The following NEK6 variants were observed in gnomAD, a reference collection of about 807,000 sequenced individuals.
NEK6 encodes the protein serine/threonine-protein kinase Nek6.
Under a neutral mutation model 43.5 loss-of-function variants are expected in NEK6, and 27 were observed. The ratio of observed to expected loss-of-function variants is 0.62; its 90% CI spans 0.46 to 0.86. NEK6 has a LOEUF of 0.86. Among genes scored for constraint, NEK6 ranks in the 40% least tolerant of loss-of-function variants. The pLI is 0.00. For missense variants in NEK6, 318 were observed against 414.4 expected (o/e 0.77, Z 2.02); for synonymous variants, 167 against 164.1 (o/e 1.02, Z -0.14).
intron 1 of NEK6, among the ~76,000 whole-genome samples, chr9:124,279,160 C>T (rs1271760621): frequency 6.6e-6 from 1 of 152,066 alleles, no homozygotes; most frequent in Non-Finnish European, 1.5e-5. Context: ...GCATCACTTT[C>T]CCACCAAGAA....
intron 1 of NEK6, among the ~76,000 whole-genome samples, chr9:124,284,317 C>T (rs1475496088): frequency 6.6e-6 from 1 of 152,202 alleles, no homozygotes; most frequent in African/African-American, 2.4e-5. Flanking sequence ...CCACTGCACT[C>T]CATACTGGGC....
At chr9:124,314,328 C>G (rs1020032922) in intron 4 of NEK6, among the ~76,000 whole-genome samples, 1 of 152,152 alleles carries the variant, frequency 6.6e-6, no homozygotes, top group East Asian at 1.9e-4. Flanking sequence ...CCAGGCTTGG[C>G]TAGGGGAGGA....
intron 8 of NEK6, among the ~76,000 whole-genome samples, chr9:124,345,295 C>T (rs761274638): frequency 1.3e-4 from 20 of 152,204 alleles, no homozygotes; most frequent in African/African-American, 3.4e-4. Flanking sequence ...TTGTAATCCG[C>T]GCAGCCCAGA....
chr9:124,318,072 T>C (rs1833905164), intron 4 of NEK6, among the ~76,000 whole-genome samples: 1 of 152,210 alleles, frequency 6.6e-6, no homozygotes, highest in Admixed American at 6.5e-5. Flanking sequence ...ATGGTAGTTC[T>C]ATTTTTAGTT....
At chr9:124,302,303 G>C (rs1038084125) in intron 2 of NEK6, among the ~76,000 whole-genome samples, 3 of 152,166 alleles carry the variant, frequency 2.0e-5, no homozygotes, top group Non-Finnish European at 2.9e-5. Context: ...CCTGCCCCTG[G>C]AGTGTTCCAA....
chr9:124,262,568 C>G (rs192594594), intron 1 of NEK6, among the ~76,000 whole-genome samples: 12 of 152,344 alleles, frequency 7.9e-5, no homozygotes, highest in Non-Finnish European at 1.5e-4. Flanking sequence ...TCTAGCCAGG[C>G]CTTCTTGGCC....
At chr9:124,274,517 T>A (rs554985430) in intron 1 of NEK6, among the ~76,000 whole-genome samples, 1 of 152,324 alleles carries the variant, frequency 6.6e-6, no homozygotes, top group African/African-American at 2.4e-5. Context: ...CCTCAGTCTG[T>A]CCATTTTCGT....
At chr9:124,277,976 G>A (rs748495857) in intron 1 of NEK6, among the ~76,000 whole-genome samples, 17 of 152,182 alleles carry the variant, frequency 1.1e-4, no homozygotes, top group Admixed American at 4.6e-4. Flanking sequence ...GAGAAGGGGC[G>A]CCTTTGAGTT....
chr9:124,332,461 C>G (rs1199743472), intron 7 of NEK6, among the ~76,000 whole-genome samples: 5 of 152,226 alleles, frequency 3.3e-5, no homozygotes, highest in Non-Finnish European at 5.9e-5. Flanking sequence ...GCCCAGCCAG[C>G]TCCAGCTCCA....
chr9:124,311,592 G>A (rs535703189), intron 2 of NEK6, among the ~76,000 whole-genome samples: 2 of 152,318 alleles, frequency 1.3e-5, no homozygotes, highest in East Asian at 3.9e-4. Flanking sequence ...AGGATCATGT[G>A]TTCCAATGCT....
intron 8 of NEK6, among the ~76,000 whole-genome samples, chr9:124,342,550 T>C (rs1172613751): frequency 6.6e-6 from 1 of 152,178 alleles, no homozygotes; most frequent in African/African-American, 2.4e-5. Context: ...GAGAAGGCCC[T>C]CGGGCCTGTC....
chr9:124,295,651 C>T (rs532992814), intron 1 of NEK6, among the ~76,000 whole-genome samples: 2 of 152,262 alleles, frequency 1.3e-5, no homozygotes, highest in South Asian at 4.1e-4. Flanking sequence ...CAGGGCCCGT[C>T]TAGGGGTCTG....
chr9:124,294,187 G>A (rs187175809), intron 1 of NEK6, among the ~76,000 whole-genome samples: 44 of 152,296 alleles, frequency 2.9e-4, no homozygotes, highest in Middle Eastern at 6.8e-3. Context: ...CCAACATGGC[G>A]AAACCCCGTC....
intron 1 of NEK6, among the ~76,000 whole-genome samples, chr9:124,264,481 C>G (rs949915560): frequency 3.3e-5 from 5 of 152,268 alleles, no homozygotes; most frequent in African/African-American, 9.6e-5. Flanking sequence ...TAGAATTCTG[C>G]TAAGAGGTAC....
At chr9:124,258,245 G>C (rs1296073513) in intron 1 of NEK6, 160 bp downstream of exon 1, 1 of 983,108 alleles carries the variant, frequency 1.0e-6, no homozygotes, top group East Asian at 1.1e-4. Context: ...GTGGCCGCGC[G>C]GGGCTGAGCG....
intron 9 of NEK6, among the ~76,000 whole-genome samples, chr9:124,350,045 C>G (rs1285362198): frequency 6.6e-6 from 1 of 152,220 alleles, no homozygotes; most frequent in Non-Finnish European, 1.5e-5. Context: ...CTTCCCAGTC[C>G]CTGAGTGAGT....
chr9:124,277,839 G>C (rs778448410), intron 1 of NEK6, among the ~76,000 whole-genome samples: 1 of 152,210 alleles, frequency 6.6e-6, no homozygotes, highest in African/African-American at 2.4e-5. Context: ...AGGCTGCCTC[G>C]TGAATCTGCA....
intron 9 of NEK6, among the ~76,000 whole-genome samples, chr9:124,348,116 T>C (rs1272456549): frequency 1.3e-5 from 2 of 152,204 alleles, no homozygotes; most frequent in East Asian, 3.9e-4. Flanking sequence ...GGAGGCCCTC[T>C]GCTGCAGGTC....
In NEK6 at chr9:124,351,575, T is replaced by G. The variant is rs1363577619; in HGVS notation, c.*628T>G. On this transcript the variant is annotated 3_prime_UTR_variant, in exon 10 of 10. Transcript: ENST00000320246. ...GGCATCGGGAAGCAGGAGCATCTTC[T>G]TGGCAGCCAGGCTGGGCCATCTTCT... 1 of 152,306 alleles carries G rather than the reference T, an allele frequency of 6.6e-6. No homozygotes were observed. The highest frequency in any genetic ancestry group is 2.4e-5 in the African/African-American group (1 of 41,454). The allele number at this position is 152,306 out of a possible 1,614,324, so 9.4% of individuals were successfully genotyped here.
Sources: gnomAD v4.1 joint callset for allele counts (sites outside exome capture counted in the v4.1 genomes callset) on GRCh38, gnomAD v4.1.1 for gene constraint, MANE v1.5 for transcripts, NCBI Gene and HGNC (gene_info 2026-07-23, HGNC 2026-07-21) for gene names.